The following ARHGAP19 variants were observed in gnomAD, a reference collection of about 807,000 sequenced individuals.
The protein encoded by ARHGAP19 is rho GTPase-activating protein 19.
In ARHGAP19, 48 loss-of-function variants were observed where a neutral mutation model predicts 60.9. The observed-to-expected ratio is 0.79, with a 90% CI of 0.62 to 1.00. The LOEUF (loss-of-function observed/expected upper bound fraction) is 1.00, where lower values mean the gene tolerates loss of function less well. Ranked by LOEUF, ARHGAP19 falls within the 50% of genes least tolerant of loss-of-function variation. ARHGAP19 has a pLI of 0.00. For synonymous variants in ARHGAP19, 209 were observed against 215.5 expected, an observed-to-expected ratio of 0.97 and a Z score of 0.27; for missense variants, 562 against 597.2, an observed-to-expected ratio of 0.94 and a Z score of 0.61.
chr10:97,237,148 C>T (rs1314611040), intron 8 of ARHGAP19, among the ~76,000 whole-genome samples: 1 of 150,898 alleles, frequency 6.6e-6, no homozygotes, highest in South Asian at 2.1e-4. Context: ...GCCTGTAGTC[C>T]CGGCTACTCA....
chr10:97,227,579 C>T (rs1258573708), intron 11 of ARHGAP19, among the ~76,000 whole-genome samples: 1 of 152,180 alleles, frequency 6.6e-6, no homozygotes, highest in Non-Finnish European at 1.5e-5. Context: ...AGCATCATAA[C>T]ACCAGGAAGG....
chr10:97,253,012 A>G (rs1316187465), intron 6 of ARHGAP19, among the ~76,000 whole-genome samples: 1 of 152,152 alleles, frequency 6.6e-6, no homozygotes, highest in African/African-American at 2.4e-5. Flanking sequence ...AGCAACATGG[A>G]TGGAACCGGA....
rs193173807 is a variant in ARHGAP19 at position 97,285,040 on chromosome 10, T to G, written c.56+7532A>C. Among the ~76,000 whole-genome samples the G allele has an allele frequency of 1.3e-3, 204 of 151,616 alleles. 1 individual carries two copies. The highest frequency in any genetic ancestry group is 4.7e-3 in the African/African-American group (196 of 41,310). Reference sequence around the variant, plus strand: ...CACTGCACCCAGCTAATTTTTTGTATTTTTAGTAGAGACGGGGTTTCACCA... The same window carrying G: ...CACTGCACCCAGCTAATTTTTTGTAGTTTTAGTAGAGACGGGGTTTCACCA... On this transcript the variant is annotated intron_variant, in intron 1 of 11. Coordinates refer to ENST00000358531, the MANE Select transcript of ARHGAP19 (RefSeq NM_032900.6).
intron 11 of ARHGAP19, among the ~76,000 whole-genome samples, chr10:97,226,867 A>G (rs11189044): frequency 0.028 from 4,223 of 152,304 alleles, 187 homozygotes; most frequent in African/African-American, 0.093. Context: ...AATGGGTAAG[A>G]TTTTGACTAC....
At chr10:97,236,684 G>C (rs1317276730) in intron 8 of ARHGAP19, among the ~76,000 whole-genome samples, 1 of 151,656 alleles carries the variant, frequency 6.6e-6, no homozygotes. Flanking sequence ...GTGTACATCT[G>C]TAGTCTCAGC....
chr10:97,278,676 A>G (rs1377199177), intron 1 of ARHGAP19, among the ~76,000 whole-genome samples: 1 of 152,224 alleles, frequency 6.6e-6, no homozygotes, highest in Non-Finnish European at 1.5e-5. Context: ...CACTAGATGG[A>G]ACCCTACATG....
At chr10:97,231,985 T>TG (rs903576050) in intron 9 of ARHGAP19, among the ~76,000 whole-genome samples, 1 of 150,096 alleles carries the variant, frequency 6.7e-6, no homozygotes, top group African/African-American at 2.5e-5. Context: ...CGTTGTTTTT[T>TG]TTTTTTTTTT....
chr10:97,267,172 G>C (rs1842909053), intron 1 of ARHGAP19, among the ~76,000 whole-genome samples: 1 of 152,188 alleles, frequency 6.6e-6, no homozygotes, highest in Non-Finnish European at 1.5e-5. Flanking sequence ...CATTCCAAAT[G>C]GGAGAAATTG....
At chr10:97,288,649 T>C (rs1044907748) in intron 1 of ARHGAP19, among the ~76,000 whole-genome samples, 6 of 149,526 alleles carry the variant, frequency 4.0e-5, no homozygotes, top group African/African-American at 1.5e-4. Context: ...CAAGAAAGAA[T>C]CTGTAAAGTA....
In ARHGAP19 at chr10:97,259,489, G is replaced by GTATTCC; in HGVS notation, c.752_753insGGAATA (p.Leu250_Tyr251insTer). 2 of 1,614,168 alleles carry GTATTCC rather than the reference G, an allele frequency of 1.2e-6. No homozygotes were observed. The highest frequency in any genetic ancestry group is 8.5e-7 in the Non-Finnish European group (1 of 1,180,014). On this transcript the variant is annotated stop_gained, in exon 5 of 12. Transcript: ENST00000358531. LOFTEE classifies it high-confidence loss of function. Reference sequence around the variant, plus strand: ...TCTTGTCTTGTTTCTTTGCTGTCTGGTATAGGAGATCAAGCAATAACTTCA... The same window carrying GTATTCC: ...TCTTGTCTTGTTTCTTTGCTGTCTGGTATTCCTATAGGAGATCAAGCAATAACTTCA...
Position 97,225,523 on chromosome 10 carries a change from T to C in ARHGAP19, c.*599A>G, listed in dbSNP as rs1850879673. 6.6e-6 allele frequency: 1 copy of C among 152,198 alleles called. No individual in the cohort carries two copies. The highest frequency in any genetic ancestry group is 2.4e-5 in the African/African-American group (1 of 41,424). The allele number at this position is 152,198 out of a possible 1,614,324, so 9.4% of individuals were successfully genotyped here. A position where few individuals can be genotyped will look rare whatever the true frequency, so the allele number is the denominator to read the frequency against. On this transcript the variant is annotated 3_prime_UTR_variant, in exon 12 of 12. Transcript: ENST00000358531. Reference sequence around the variant, plus strand: ...AAAAATGTCCAGAAAAGCTATAAATTCTTTGGACACAAATTAGGTATTGAG... The same window carrying C: ...AAAAATGTCCAGAAAAGCTATAAATCCTTTGGACACAAATTAGGTATTGAG...
At chr10:97,249,442 T>C (rs1320241913) in intron 6 of ARHGAP19, among the ~76,000 whole-genome samples, 1 of 152,216 alleles carries the variant, frequency 6.6e-6, no homozygotes, top group Non-Finnish European at 1.5e-5. Context: ...CCAAAAATGC[T>C]TAATCTGAAT....
intron 8 of ARHGAP19, among the ~76,000 whole-genome samples, chr10:97,243,393 T>A (rs767472781): frequency 6.6e-5 from 10 of 152,046 alleles, no homozygotes; most frequent in Non-Finnish European, 1.5e-4. Context: ...ACACTTTGAG[T>A]CCCAAAATAG....
intron 1 of ARHGAP19, among the ~76,000 whole-genome samples, chr10:97,285,772 G>A (rs1188584161): frequency 4.0e-5 from 6 of 151,814 alleles, no homozygotes; most frequent in African/African-American, 1.5e-4. Flanking sequence ...TGCCCGCCTC[G>A]GCCTCCCAAA....
At chr10:97,282,839 C>CTTTTTTTTTTTTTTTTTTTTTTTTTTTT (rs56387291) in intron 1 of ARHGAP19, among the ~76,000 whole-genome samples, 1 of 90,994 alleles carries the variant, frequency 1.1e-5, no homozygotes, top group Admixed American at 1.3e-4. Context: ...TTTCTTTTTT[C>CTTTTTTTTTTTTTTTTTTTTTTTTTTTT]TTTTTTTTTT....
chr10:97,287,560 A>G (rs925918045), intron 1 of ARHGAP19, among the ~76,000 whole-genome samples: 8 of 151,946 alleles, frequency 5.3e-5, no homozygotes, highest in Non-Finnish European at 1.0e-4. Context: ...TGGGCAATAT[A>G]GGGAGACTCA....
At chr10:97,237,437 A>G (rs1842400124) in intron 8 of ARHGAP19, among the ~76,000 whole-genome samples, 1 of 152,186 alleles carries the variant, frequency 6.6e-6, no homozygotes, top group Non-Finnish European at 1.5e-5. Flanking sequence ...TCACCTCATG[A>G]TATCACTGCT....
chr10:97,262,178 T>C lies in ARHGAP19; in HGVS notation c.613+1242A>G, dbSNP rs1317023912. On this transcript the variant is annotated intron_variant, in intron 4 of 11. Transcript: ENST00000358531. ...ACCAGCCTGGGGAACAGGCTTTCTT[T>C]TAAAAAAAAAAAAAAAAAATTTTTT... Among the ~76,000 whole-genome samples, 8 of 20,002 alleles carry C rather than the reference T, an allele frequency of 4.0e-4. No individual in the cohort carries two copies. In the Admixed American group the frequency reaches 7.8e-3, roughly 19 times the overall value. The allele number at this position is 20,002 out of a possible 152,430, so 13.1% of individuals were successfully genotyped here.
intron 1 of ARHGAP19, 68 bp from the exon 2 acceptor site, chr10:97,266,193 G>GTTA: frequency 6.4e-7 from 1 of 1,571,840 alleles, no homozygotes; most frequent in Admixed American, 1.7e-5. Flanking sequence ...TACTCATTGG[G>GTTA]TTATTTGGTC....
Sources: allele counts gnomAD v4.1 joint callset (sites outside exome capture counted in the v4.1 genomes callset), GRCh38; gene constraint gnomAD v4.1.1; transcripts MANE v1.5; gene names NCBI Gene and HGNC (gene_info 2026-07-23, HGNC 2026-07-21).